WDFY3: variants seen among roughly 807,000 people sequenced by gnomAD.
The protein encoded by WDFY3 is WD repeat and FYVE domain-containing protein 3.
In WDFY3, 66 loss-of-function variants were observed where a neutral mutation model predicts 409.6. The observed-to-expected ratio is 0.16, with a 90% CI of 0.13 to 0.20. WDFY3 has a LOEUF of 0.20. Ranked by LOEUF, WDFY3 falls within the 10% of genes least tolerant of loss-of-function variation. The pLI, the probability that WDFY3 is intolerant of heterozygous loss-of-function variation, is 1.00. For missense variants in WDFY3, 3,031 were observed against 4,298.1 expected, an observed-to-expected ratio of 0.71 and a Z score of 8.24; for synonymous variants, 1,521 against 1,537.1, an observed-to-expected ratio of 0.99 and a Z score of 0.25.
chr4:84,729,963 T>C (rs895061464), intron 44 of WDFY3, among the ~76,000 whole-genome samples: 8 of 152,116 alleles, frequency 5.3e-5, no homozygotes, highest in South Asian at 2.1e-4. Flanking sequence ...ATATTAAACA[T>C]GCATGCAAGG....
chr4:84,677,110 C>A (rs973972495), intron 67 of WDFY3, 89 bp downstream of exon 67: 6 of 1,501,984 alleles, frequency 4.0e-6, no homozygotes, highest in Middle Eastern at 1.8e-4. Context: ...GTGGGGACGC[C>A]AGGGCAAATC....
intron 32 of WDFY3, among the ~76,000 whole-genome samples, chr4:84,758,488 T>C (rs1741850667): frequency 1.3e-5 from 2 of 152,186 alleles, no homozygotes; most frequent in Admixed American, 1.3e-4. Flanking sequence ...TGTCAAATGA[T>C]GCTCCCGTCT....
chr4:84,894,024 C>T (rs1462751484), intron 3 of WDFY3, among the ~76,000 whole-genome samples: 1 of 151,632 alleles, frequency 6.6e-6, no homozygotes, highest in African/African-American at 2.4e-5. Flanking sequence ...TAATTTAGCA[C>T]AGAATCAACT....
At chr4:84,815,945 A>T (rs994843182) in intron 13 of WDFY3, among the ~76,000 whole-genome samples, 1 of 152,140 alleles carries the variant, frequency 6.6e-6, no homozygotes, top group Non-Finnish European at 1.5e-5. Context: ...TGAATCAATT[A>T]TTACTACGAT....
At chr4:84,861,084 G>A (rs1311775317) in intron 3 of WDFY3, among the ~76,000 whole-genome samples, 1 of 152,032 alleles carries the variant, frequency 6.6e-6, no homozygotes, top group Non-Finnish European at 1.5e-5. Flanking sequence ...GGTAGTGTGC[G>A]CGTATAGTCC....
At chr4:84,869,601 G>C (rs1265982608) in intron 3 of WDFY3, among the ~76,000 whole-genome samples, 1 of 151,946 alleles carries the variant, frequency 6.6e-6, no homozygotes, top group African/African-American at 2.4e-5. Flanking sequence ...AATATTAGTA[G>C]CAAATATAAA....
chr4:84,697,650 G>C (rs1730346557), intron 56 of WDFY3, among the ~76,000 whole-genome samples: 1 of 151,998 alleles, frequency 6.6e-6, no homozygotes, highest in Non-Finnish European at 1.5e-5. Context: ...TCTTCTTTTT[G>C]AAATATACCA....
At chr4:84,742,871 T>G (rs1437351830) in intron 37 of WDFY3, among the ~76,000 whole-genome samples, 1 of 152,210 alleles carries the variant, frequency 6.6e-6, no homozygotes, top group Admixed American at 6.5e-5. Flanking sequence ...ACAGAAATTC[T>G]GGAGGTGCCA....
rs1195216499 is a variant in WDFY3, at chr4:84,672,884, C to T, written c.10565G>A (p.Gly3522Glu). The change falls in exon 68 of 68, where the codon GGG becomes GAG. Residue 3522 changes from glycine to glutamate, a missense_variant. Physicochemically the swap from Gly to Glu is moderately conservative, Grantham distance 98. This residue lies in a region of WDFY3 where 378 missense variants were observed against 477.3 expected (regional missense o/e 0.79). Coordinates refer to ENST00000295888, the MANE Select transcript of WDFY3 (RefSeq NM_014991.6). ...NLQHERGSED[G>E]PRNC ...GTTGAATCTTCAACAATTTCGAGGC[C>T]CATCTTCTGAACCTCTCTCATGCTG... 6.2e-7 allele frequency: 1 copy of T among 1,613,870 alleles called. No homozygotes were observed. Among genetic ancestry groups the T allele is most frequent in the Non-Finnish European group, 8.5e-7 (1 of 1,179,966 alleles).
At chr4:84,683,863 C>A in intron 63 of WDFY3, 80 bp downstream of exon 63, 1 of 1,447,688 alleles carries the variant, frequency 6.9e-7, no homozygotes, top group South Asian at 1.3e-5. Context: ...TTCAGGTGTT[C>A]TTAACCTGTA....
At chr4:84,909,437 A>T (rs1164808816) in intron 2 of WDFY3, among the ~76,000 whole-genome samples, 2 of 151,594 alleles carry the variant, frequency 1.3e-5, no homozygotes, top group African/African-American at 2.4e-5. Flanking sequence ...ACAGAAAAAT[A>T]AAAAAAAATT....
intron 4 of WDFY3, among the ~76,000 whole-genome samples, chr4:84,859,443 G>T (rs1046653989): frequency 1.3e-5 from 2 of 152,136 alleles, no homozygotes; most frequent in African/African-American, 4.8e-5. Context: ...AGCAGTAAAA[G>T]TATGTTATTT....
chr4:84,717,514 A>T (rs1301207655), intron 48 of WDFY3, among the ~76,000 whole-genome samples: 2 of 152,324 alleles, frequency 1.3e-5, no homozygotes, highest in East Asian at 3.9e-4. Flanking sequence ...GAACTACAGA[A>T]ACAATGTCTG....
chr4:84,821,429 C>T lies in WDFY3; in HGVS notation c.1246G>A (p.Ala416Thr), dbSNP rs991122141. ...TGTGACTCTAGGATGAAGTAATTGG[C>T]ATTGTCAGCCATGTAAATATTTGTG... ...AITNIYMADNANYFILESQHT... is the reference protein window; with the variant it reads ...AITNIYMADNTNYFILESQHT... Residue 416 changes from alanine to threonine, a missense_variant, in exon 11 of 68, where the codon GCC (alanine) becomes ACC (threonine). Ala to Thr is a moderately conservative substitution (Grantham distance 58). Around this residue, in one of 16 missense-constraint regions of WDFY3, gnomAD observed 1,322 missense variants for 1,697.9 expected, o/e 0.78. Coordinates refer to ENST00000295888, the MANE Select transcript of WDFY3 (RefSeq NM_014991.6). The T allele has an allele frequency of 1.2e-6, 2 of 1,613,688 alleles. No homozygotes were observed. The highest frequency in any genetic ancestry group is 1.7e-6 in the Non-Finnish European group (2 of 1,179,844).
chr4:84,794,733 T>C lies in WDFY3; in HGVS notation c.3273A>G (p.Glu1091=). The part of the protein sequence containing the change: ...GAVVSGIGSG[E]RFFPPPSGLS... ...AGCCGGAGGGAGGAGGGAAGAATCT[T>C]TCACCTACAGTAAAAATTAAAAAAA... is the stretch of plus-strand genomic sequence containing the variant. The change falls in exon 21 of 68, where the codon GAA becomes GAG. Residue 1091 remains glutamate, a synonymous_variant. Transcript: ENST00000295888. 1.2e-6 allele frequency: 2 copies of C among 1,607,450 alleles called. No homozygotes were observed. Among genetic ancestry groups the C allele is most frequent in the Non-Finnish European group, 1.7e-6 (2 of 1,177,786 alleles).
intron 30 of WDFY3, among the ~76,000 whole-genome samples, chr4:84,771,863 T>C (rs1262516339): frequency 2.6e-5 from 4 of 152,214 alleles, no homozygotes. Flanking sequence ...TGGCAGTAGG[T>C]AACTGTCAGG....
chr4:84,703,470 C>T lies in WDFY3; in HGVS notation c.8442+868G>A, dbSNP rs556841453. ...AATGCCAAAGTCCATGCCATGGCTG[C>T]CAATGTCTGCCATACAATCTAGCCT... is the stretch of plus-strand genomic sequence containing the variant. On this transcript the variant is annotated intron_variant, in intron 55 of 67. Transcript: ENST00000295888. Among the ~76,000 whole-genome samples the T allele has an allele frequency of 7.1e-4, 108 of 152,218 alleles. 1 individual carries two copies. Among genetic ancestry groups the T allele is most frequent in the Admixed American group, 2.0e-3 (31 of 15,282 alleles).
chr4:84,935,865 A>T (rs1771335468), intron 1 of WDFY3, among the ~76,000 whole-genome samples: 1 of 152,206 alleles, frequency 6.6e-6, no homozygotes. Flanking sequence ...TGATTTCAGT[A>T]CATTCTAACT....
At position 84,794,671 on chromosome 4, in the gene WDFY3, C is replaced by T; in HGVS notation, c.3335G>A (p.Ser1112Asn). The T allele has an allele frequency of 6.2e-7, 1 of 1,613,254 alleles. No individual in the cohort carries two copies. Among genetic ancestry groups the T allele is most frequent in the African/African-American group, 1.3e-5 (1 of 74,744 alleles). ...YSSWFCIEHF[S>N]SPPNNHPVRL... ...GACAGGGTGGTTATTTGGAGGAGAA[C>T]TAAAATGTTCAATACAAAACCAGCT... Residue 1112 changes from serine (S) to asparagine (N), a missense_variant, in exon 21 of 68, where the codon AGT becomes AAT. By Grantham distance (46) the Ser-to-Asn change is conservative (BLOSUM62 1). Transcript: ENST00000295888.
Sources: allele counts gnomAD v4.1 joint callset (sites outside exome capture counted in the v4.1 genomes callset), GRCh38; gene constraint gnomAD v4.1.1; regional missense constraint gnomAD v4.1.1; transcripts MANE v1.5; gene names NCBI Gene and HGNC (gene_info 2026-07-23, HGNC 2026-07-21).